IQCJ: variants seen among roughly 807,000 people sequenced by gnomAD.
IQCJ encodes IQ domain-containing protein J.
A neutral mutation model predicts 11.0 loss-of-function variants in IQCJ; 9 were observed. That is an observed-to-expected ratio of 0.82 (90% CI 0.49 to 1.43). IQCJ has a LOEUF of 1.43. Among genes scored for constraint, IQCJ ranks in the 40% most tolerant of loss-of-function variants. The probability of loss-of-function intolerance (pLI) is 0.00; values close to 1 mark genes in which losing one functional copy is unlikely to be tolerated. For synonymous variants in IQCJ, 55 were observed against 51.3 expected, an observed-to-expected ratio of 1.07 and a Z score of -0.31; for missense variants, 146 against 133.2, an observed-to-expected ratio of 1.10 and a Z score of -0.47.
chr3:159,167,507 G>A (rs963889234), intron 1 of IQCJ, among the ~76,000 whole-genome samples: 15 of 152,118 alleles, frequency 9.9e-5, no homozygotes, highest in Non-Finnish European at 2.1e-4. Flanking sequence ...TTCTCATTGG[G>A]TCATCTTAGC....
At chr3:159,248,309 A>G (rs1727392425) in intron 2 of IQCJ, among the ~76,000 whole-genome samples, 1 of 152,238 alleles carries the variant, frequency 6.6e-6, no homozygotes. Context: ...AGAATCTGGC[A>G]TGTCATCAGA....
chr3:159,177,886 G>T (rs1339549956), intron 1 of IQCJ, among the ~76,000 whole-genome samples: 1 of 152,134 alleles, frequency 6.6e-6, no homozygotes, highest in African/African-American at 2.4e-5. Context: ...AATCAGTGTT[G>T]CCTCAATTTA....
At chr3:159,205,889 GTTC>G (rs1429452224) in intron 1 of IQCJ, among the ~76,000 whole-genome samples, 5 of 152,126 alleles carry the variant, frequency 3.3e-5, no homozygotes, top group Non-Finnish European at 7.4e-5. Flanking sequence ...TCCTGTTTCT[GTTC>G]TTCTTTTCAG....
intron 1 of IQCJ, among the ~76,000 whole-genome samples, chr3:159,082,392 G>C (rs1392950): frequency 0.34 from 50,817 of 151,126 alleles, 10,151 homozygotes; most frequent in Non-Finnish European, 0.46. Context: ...AAAAAACAGA[G>C]GCAGTAAAGA....
At chr3:159,178,212 G>T (rs1317052733) in intron 1 of IQCJ, among the ~76,000 whole-genome samples, 3 of 152,094 alleles carry the variant, frequency 2.0e-5, no homozygotes, top group Non-Finnish European at 4.4e-5. Context: ...TTCCCTGAAA[G>T]GTAGGTGACA....
At chr3:159,141,062 A>G (rs924568958) in intron 1 of IQCJ, among the ~76,000 whole-genome samples, 1 of 152,228 alleles carries the variant, frequency 6.6e-6, no homozygotes, top group South Asian at 2.1e-4. Flanking sequence ...ATGTTGACCT[A>G]TTCAGCAAGA....
intron 1 of IQCJ, among the ~76,000 whole-genome samples, chr3:159,090,793 G>A (rs73025599): frequency 0.035 from 5,388 of 151,856 alleles, 444 homozygotes; most frequent in African/African-American, 0.12. Flanking sequence ...CTAGACTTGG[G>A]CTTCCCACCT....
chr3:159,190,710 C>G (rs1393559540), intron 1 of IQCJ, among the ~76,000 whole-genome samples: 1 of 152,176 alleles, frequency 6.6e-6, no homozygotes, highest in Non-Finnish European at 1.5e-5. Context: ...GGACCTGTGT[C>G]CCGGTTCTAG....
At chr3:159,138,960 C>T (rs1170615535) in intron 1 of IQCJ, among the ~76,000 whole-genome samples, 1 of 152,124 alleles carries the variant, frequency 6.6e-6, no homozygotes, top group South Asian at 2.1e-4. Flanking sequence ...ATCCTGAGGA[C>T]AAGACCTAGG....
At chr3:159,162,440 G>T (rs1425357001) in intron 1 of IQCJ, among the ~76,000 whole-genome samples, 1 of 152,052 alleles carries the variant, frequency 6.6e-6, no homozygotes, top group Non-Finnish European at 1.5e-5. Flanking sequence ...GGCTGAGACA[G>T]TGGGGTTTTC....
At chr3:159,164,608 A>G (rs1478816046) in intron 1 of IQCJ, among the ~76,000 whole-genome samples, 2 of 152,238 alleles carry the variant, frequency 1.3e-5, no homozygotes, top group East Asian at 3.9e-4. Flanking sequence ...TCTCTAGTAA[A>G]AATACAAAAA....
chr3:159,252,001 A>AT (rs1294208019), intron 2 of IQCJ, among the ~76,000 whole-genome samples: 1 of 152,030 alleles, frequency 6.6e-6, no homozygotes, highest in South Asian at 2.1e-4. Flanking sequence ...TTGTTCTCCT[A>AT]TTTTTTTCAT....
At chr3:159,150,151 C>T (rs969209453) in intron 1 of IQCJ, among the ~76,000 whole-genome samples, 4 of 152,100 alleles carry the variant, frequency 2.6e-5, no homozygotes, top group Non-Finnish European at 4.4e-5. Context: ...AGAAACCAAC[C>T]CAGAACAGGG....
At chr3:159,231,150 C>G (rs988079126) in intron 1 of IQCJ, among the ~76,000 whole-genome samples, 1 of 152,140 alleles carries the variant, frequency 6.6e-6, no homozygotes, top group Non-Finnish European at 1.5e-5. Context: ...GATTCTGCTC[C>G]CAACATTTAG....
intron 1 of IQCJ, among the ~76,000 whole-genome samples, chr3:159,163,504 A>G (rs2108224851): frequency 6.6e-6 from 1 of 152,292 alleles, no homozygotes; most frequent in South Asian, 2.1e-4. Flanking sequence ...TTCCCTTTGA[A>G]AACTGGCACA....
chr3:159,137,386 G>A (rs1720356581), intron 1 of IQCJ, among the ~76,000 whole-genome samples: 1 of 152,090 alleles, frequency 6.6e-6, no homozygotes, highest in African/African-American at 2.4e-5. Context: ...TTGAGTGAAG[G>A]TTACAGAGTA....
chr3:159,167,562 G>A (rs572389017), intron 1 of IQCJ, among the ~76,000 whole-genome samples: 2 of 152,222 alleles, frequency 1.3e-5, no homozygotes, highest in Admixed American at 1.3e-4. Context: ...CTCAATCCTG[G>A]AATATAATGC....
At chr3:159,248,078 T>G (rs548712057) in intron 2 of IQCJ, among the ~76,000 whole-genome samples, 1 of 152,352 alleles carries the variant, frequency 6.6e-6, no homozygotes, top group East Asian at 1.9e-4. Flanking sequence ...CTACTCTTTC[T>G]TAGCTTTGTC....
At chr3:159,182,695 A>T (rs1182633072) in intron 1 of IQCJ, among the ~76,000 whole-genome samples, 1 of 151,906 alleles carries the variant, frequency 6.6e-6, no homozygotes, top group East Asian at 1.9e-4. Context: ...ACAAAACAGG[A>T]TATCTTCACA....
Sources: allele counts gnomAD v4.1 joint callset (sites outside exome capture counted in the v4.1 genomes callset), GRCh38; gene constraint gnomAD v4.1.1; transcripts MANE v1.5; gene names NCBI Gene and HGNC (gene_info 2026-07-23, HGNC 2026-07-21).